The following EPB41L3 variants were observed in gnomAD, a reference collection of about 807,000 sequenced individuals.
The protein encoded by EPB41L3 is band 4.1-like protein 3.
Under a neutral mutation model 127.1 loss-of-function variants are expected in EPB41L3, and 57 were observed. That is an observed-to-expected ratio of 0.45 (90% CI 0.36 to 0.56). The LOEUF is 0.56. Among genes scored for constraint, EPB41L3 ranks in the 20% least tolerant of loss-of-function variants. The pLI is 0.00. For synonymous variants in EPB41L3, 572 were observed against 549.5 expected, an observed-to-expected ratio of 1.04 and a Z score of -0.57; for missense variants, 1,273 against 1,372.2, an observed-to-expected ratio of 0.93 and a Z score of 1.14.
chr18:5,452,671 A>ATT (rs1336837240), intron 3 of EPB41L3, among the ~76,000 whole-genome samples: 4 of 133,662 alleles, frequency 3.0e-5, no homozygotes, highest in African/African-American at 8.4e-5. Flanking sequence ...GCTAAAATAA[A>ATT]ATGACACAAA....
intron 3 of EPB41L3, among the ~76,000 whole-genome samples, chr18:5,582,677 G>A (rs2094404482): frequency 6.6e-6 from 1 of 152,178 alleles, no homozygotes; most frequent in African/African-American, 2.4e-5. Context: ...TCCCACTTTG[G>A]AAAGGAAGAA....
chr18:5,476,388 AAAAG>A (rs2087226151), intron 3 of EPB41L3, among the ~76,000 whole-genome samples: 6 of 152,230 alleles, frequency 3.9e-5, no homozygotes, highest in Admixed American at 3.9e-4. Flanking sequence ...CAGTGACATT[AAAAG>A]AAAGGTAAGT....
chr18:5,608,122 G>A (rs2094683136), intron 3 of EPB41L3, among the ~76,000 whole-genome samples: 1 of 152,118 alleles, frequency 6.6e-6, no homozygotes, highest in African/African-American at 2.4e-5. Flanking sequence ...AGGAAAATTA[G>A]ATGAGACTCC....
chr18:5,425,254 T>C (rs750705752), intron 9 of EPB41L3, among the ~76,000 whole-genome samples: 4 of 152,190 alleles, frequency 2.6e-5, no homozygotes, highest in African/African-American at 4.8e-5. Context: ...ACAATCATGT[T>C]TGACCTCTAT....
At chr18:5,610,221 G>A (rs1035065814) in intron 3 of EPB41L3, 1 of 985,220 alleles carries the variant, frequency 1.0e-6, no homozygotes, top group Non-Finnish European at 1.2e-6. Context: ...TGTTCCAAGT[G>A]AGACAAGAAG....
At chr18:5,590,072 G>A (rs755253010) in intron 3 of EPB41L3, among the ~76,000 whole-genome samples, 10 of 152,178 alleles carry the variant, frequency 6.6e-5, no homozygotes, top group African/African-American at 9.7e-5. Context: ...CACTGAGGGC[G>A]AAGGAGGAAG....
At chr18:5,516,548 G>A (rs1462593032) in intron 1 of EPB41L3, among the ~76,000 whole-genome samples, 1 of 152,176 alleles carries the variant, frequency 6.6e-6, no homozygotes, top group Non-Finnish European at 1.5e-5. Flanking sequence ...GTCCGCTGAA[G>A]GCAAAAATGT....
At chr18:5,441,066 T>A (rs539440576) in intron 5 of EPB41L3, among the ~76,000 whole-genome samples, 48 of 152,238 alleles carry the variant, frequency 3.2e-4, no homozygotes, top group African/African-American at 7.7e-4. Context: ...AACAATTTTT[T>A]AAAAAAATAG....
intron 1 of EPB41L3, among the ~76,000 whole-genome samples, chr18:5,489,620 C>T (rs1436915467): frequency 6.6e-6 from 1 of 152,208 alleles, no homozygotes; most frequent in Admixed American, 6.5e-5. Context: ...CCTCCCCCTT[C>T]CTATCTCTAT....
chr18:5,398,454 A>G (rs989875796), intron 16 of EPB41L3: 2 of 437,782 alleles, frequency 4.6e-6, no homozygotes, highest in African/African-American at 4.1e-5. Flanking sequence ...TGGAAATAAA[A>G]TGGAAAGTGT....
chr18:5,485,295 C>T (rs1388487620), intron 2 of EPB41L3, among the ~76,000 whole-genome samples: 1 of 151,960 alleles, frequency 6.6e-6, no homozygotes, highest in Non-Finnish European at 1.5e-5. Context: ...TAAAATTCAA[C>T]ATGTCTTTAT....
chr18:5,394,507 T>C, intron 22 of EPB41L3, 170 bp downstream of exon 22: 3 of 570,440 alleles, frequency 5.3e-6, no homozygotes, highest in Non-Finnish European at 9.4e-6. Flanking sequence ...GAATGGAAGC[T>C]CCAAATGTGA....
intron 4 of EPB41L3, 53 bp from the exon 5 acceptor site, chr18:5,443,933 T>C: frequency 6.8e-7 from 1 of 1,471,996 alleles, no homozygotes; most frequent in Non-Finnish European, 9.4e-7. Flanking sequence ...AAAAATGACT[T>C]AATGTTGATT....
intron 3 of EPB41L3, among the ~76,000 whole-genome samples, chr18:5,591,109 G>T (rs370113861): frequency 4.6e-5 from 7 of 152,268 alleles, no homozygotes; most frequent in Admixed American, 1.3e-4. Context: ...AGGAAGAAAA[G>T]AATCAATTAA....
intron 6 of EPB41L3, among the ~76,000 whole-genome samples, chr18:5,437,214 T>G (rs117741304): frequency 0.012 from 1,823 of 152,186 alleles, 21 homozygotes; most frequent in South Asian, 0.042. Flanking sequence ...GGGAAGTGAT[T>G]AGGGTGGAGC....
In EPB41L3 at chr18:5,413,399, T is replaced by C. The variant is rs183187753; in HGVS notation, c.2067+2419A>G. Among the ~76,000 whole-genome samples the C allele has an allele frequency of 1.1e-3, 171 of 152,320 alleles. 1 individual carries two copies. Among genetic ancestry groups the C allele is most frequent in the African/African-American group, 3.8e-3 (160 of 41,584 alleles). ...TTATAATGTGAAATATTGAAGCCTT[T>C]TTATACTGGATTTCACTCTTAGAAA... On this transcript the variant is annotated intron_variant, in intron 13 of 22. Coordinates refer to ENST00000341928, the MANE Select transcript of EPB41L3 (RefSeq NM_012307.5).
intron 1 of EPB41L3, among the ~76,000 whole-genome samples, chr18:5,517,055 G>A (rs1442221244): frequency 6.6e-6 from 1 of 152,152 alleles, no homozygotes; most frequent in Non-Finnish European, 1.5e-5. Flanking sequence ...CAGGGAGGAG[G>A]ACTAGGTGCT....
intron 1 of EPB41L3, among the ~76,000 whole-genome samples, chr18:5,534,317 A>G (rs999999153): frequency 1.2e-4 from 19 of 152,242 alleles, no homozygotes; most frequent in African/African-American, 3.4e-4. Flanking sequence ...ACAATAGTGA[A>G]GAAGCTGGAA....
intron 2 of EPB41L3, 33 bp downstream of exon 2, chr18:5,488,968 C>G (rs752397708): frequency 6.4e-7 from 1 of 1,555,206 alleles, no homozygotes; most frequent in Non-Finnish European, 8.6e-7. Context: ...GCTCAGCAAA[C>G]ACTGCGTCAT....
Sources: gnomAD v4.1 joint callset for allele counts (sites outside exome capture counted in the v4.1 genomes callset) on GRCh38, gnomAD v4.1.1 for gene constraint, MANE v1.5 for transcripts, NCBI Gene and HGNC (gene_info 2026-07-23, HGNC 2026-07-21) for gene names.